Variants in RPS6KC1 observed in about 807,000 individuals in gnomAD.
RPS6KC1 encodes the protein inactive ribosomal protein S6 kinase delta-1.
In RPS6KC1, 54 loss-of-function variants were observed where a neutral mutation model predicts 103.8. The ratio of observed to expected loss-of-function variants is 0.52; its 90% CI spans 0.42 to 0.65. RPS6KC1 has a LOEUF of 0.65. Among genes scored for constraint, RPS6KC1 ranks in the 30% least tolerant of loss-of-function variants. RPS6KC1 has a pLI of 0.00. For synonymous variants in RPS6KC1, 439 were observed against 438.7 expected, an observed-to-expected ratio of 1.00 and a Z score of -0.01; for missense variants, 1,151 against 1,253.8, an observed-to-expected ratio of 0.92 and a Z score of 1.24.
chr1:213,548,111 T>C, the RPS6KC1 span, among the ~76,000 whole-genome samples: 1 of 152,210 alleles, frequency 6.6e-6, no homozygotes, highest in South Asian at 2.1e-4. Flanking sequence ...TTAAATAGAA[T>C]GCATAAACAT....
At chr1:213,771,839 A>G in the RPS6KC1 span, among the ~76,000 whole-genome samples, 1 of 152,204 alleles carries the variant, frequency 6.6e-6, no homozygotes, top group African/African-American at 2.4e-5. Flanking sequence ...AGAGGGGCCA[A>G]ATATGCCTAC....
intron 8 of RPS6KC1, among the ~76,000 whole-genome samples, chr1:213,177,163 T>C (rs559846825): frequency 2.2e-4 from 33 of 152,220 alleles, no homozygotes; most frequent in Non-Finnish European, 4.7e-4. Context: ...CCATTGTGTA[T>C]GTGCAAATTT....
the RPS6KC1 span, among the ~76,000 whole-genome samples, chr1:213,353,874 G>A: frequency 6.6e-6 from 1 of 152,188 alleles, no homozygotes; most frequent in Admixed American, 6.5e-5. Flanking sequence ...TCCCTATGCT[G>A]TGTTCAGAGA....
chr1:213,154,182 A>G (rs1442885674), intron 6 of RPS6KC1, among the ~76,000 whole-genome samples: 24 of 152,210 alleles, frequency 1.6e-4, no homozygotes, highest in Non-Finnish European at 1.5e-5. Context: ...CACCACCACT[A>G]TGACTGCTCT....
the RPS6KC1 span, among the ~76,000 whole-genome samples, chr1:213,290,163 A>AAAAAAAAAAAC: frequency 6.6e-6 from 1 of 151,576 alleles, no homozygotes; most frequent in Non-Finnish European, 1.5e-5. Flanking sequence ...AAAAAAAAAA[A>AAAAAAAAAAAC]AAAAAGAATC....
the RPS6KC1 span, among the ~76,000 whole-genome samples, chr1:213,440,867 A>G: frequency 1.3e-5 from 2 of 152,244 alleles, no homozygotes; most frequent in African/African-American, 4.8e-5. Context: ...CCTCATAGCC[A>G]TTGTGTGAGG....
intron 3 of RPS6KC1, among the ~76,000 whole-genome samples, chr1:213,101,913 A>G (rs942818487): frequency 6.6e-6 from 1 of 152,144 alleles, no homozygotes; most frequent in South Asian, 2.1e-4. Flanking sequence ...TTTTCCTAAG[A>G]TTAAATCATT....
chr1:213,783,650 A>AT, the RPS6KC1 span, among the ~76,000 whole-genome samples: 97 of 150,860 alleles, frequency 6.4e-4, no homozygotes, highest in Middle Eastern at 3.4e-3. Context: ...TTATCAAGGG[A>AT]TTTTTTTTTG....
At chr1:213,391,713 T>G in the RPS6KC1 span, among the ~76,000 whole-genome samples, 1 of 152,242 alleles carries the variant, frequency 6.6e-6, no homozygotes, top group Non-Finnish European at 1.5e-5. Flanking sequence ...TTTTGTAATT[T>G]CACCCTAGGG....
chr1:213,055,073 A>ATT (rs1161908629), intron 1 of RPS6KC1, among the ~76,000 whole-genome samples: 1 of 152,202 alleles, frequency 6.6e-6, no homozygotes, highest in East Asian at 1.9e-4. Context: ...AACTTATTTA[A>ATT]TTTACATTGA....
chr1:213,392,343 ACTGGTAGAGG>A, the RPS6KC1 span, among the ~76,000 whole-genome samples: 12 of 152,172 alleles, frequency 7.9e-5, no homozygotes, highest in African/African-American at 2.9e-4. Context: ...CCCGGTCTCA[ACTGGTAGAGG>A]CTGGCAAACA....
chr1:213,561,357 G>A, the RPS6KC1 span, among the ~76,000 whole-genome samples: 4 of 152,048 alleles, frequency 2.6e-5, no homozygotes, highest in African/African-American at 4.8e-5. Context: ...TTCCAACCAC[G>A]CTGAACCAAA....
At chr1:213,594,696 C>T in the RPS6KC1 span, among the ~76,000 whole-genome samples, 3 of 152,126 alleles carry the variant, frequency 2.0e-5, no homozygotes, top group African/African-American at 7.2e-5. Context: ...GTTCTAAGTC[C>T]TCTACGTATC....
the RPS6KC1 span, among the ~76,000 whole-genome samples, chr1:213,534,400 C>T: frequency 2.0e-5 from 3 of 152,230 alleles, no homozygotes; most frequent in Admixed American, 1.3e-4. Context: ...ATCCTTACAA[C>T]ACCCGCTTGG....
chr1:213,358,326 A>G, the RPS6KC1 span, among the ~76,000 whole-genome samples: 1 of 152,176 alleles, frequency 6.6e-6, no homozygotes, highest in Admixed American at 6.5e-5. Context: ...TTTTTGGTCT[A>G]TTCAGAGATT....
At chr1:213,078,165 T>G (rs1365446733) in intron 3 of RPS6KC1, among the ~76,000 whole-genome samples, 3 of 151,936 alleles carry the variant, frequency 2.0e-5, no homozygotes, top group Admixed American at 6.6e-5. Flanking sequence ...ACACTTTGCT[T>G]ATAGTATGAA....
At position 213,180,387 on chromosome 1, in the gene RPS6KC1, A is replaced by G. The variant is rs202040561; in HGVS notation, c.1044+3895A>G. On this transcript the variant is annotated intron_variant, in intron 8 of 14. Coordinates refer to ENST00000366960, the MANE Select transcript of RPS6KC1 (RefSeq NM_012424.6). ...ATCCTCATAGGATATAACTAGAACC[A>G]AATTAGTACAAATTCAAGAGAAACA... is the stretch of plus-strand genomic sequence containing the variant. 2.8e-4 allele frequency among the ~76,000 whole-genome samples: 43 copies of G among 152,352 alleles called. No individual in the cohort carries two copies. The East Asian group carries it at 7.5e-3, about 27-fold the overall frequency.
chr1:213,515,659 A>G, the RPS6KC1 span, among the ~76,000 whole-genome samples: 1 of 152,134 alleles, frequency 6.6e-6, no homozygotes, highest in Non-Finnish European at 1.5e-5. Context: ...GAAGTCAGGT[A>G]GTGTGATGCC....
chr1:213,092,529 G>A (rs2081065493), intron 3 of RPS6KC1, among the ~76,000 whole-genome samples: 1 of 151,974 alleles, frequency 6.6e-6, no homozygotes, highest in Admixed American at 6.6e-5. Context: ...AAATTAGGCC[G>A]GGCATGGTGG....
Sources: gnomAD v4.1 joint callset for allele counts (sites outside exome capture counted in the v4.1 genomes callset) on GRCh38, gnomAD v4.1.1 for gene constraint, MANE v1.5 for transcripts, NCBI Gene and HGNC (gene_info 2026-07-23, HGNC 2026-07-21) for gene names.